VPS13B: variants seen among roughly 807,000 people sequenced by gnomAD.
VPS13B encodes intermembrane lipid transfer protein VPS13B.
A neutral mutation model predicts 426.4 loss-of-function variants in VPS13B; 285 were observed. The observed-to-expected ratio is 0.67, with a 90% CI of 0.61 to 0.74. The LOEUF (loss-of-function observed/expected upper bound fraction) is 0.74, where lower values mean the gene tolerates loss of function less well. VPS13B is among the 30% of genes least tolerant of loss of function. VPS13B has a pLI of 0.00. For synonymous variants in VPS13B, 1,676 were observed against 1,676.4 expected (o/e 1.00, Z 0.01); for missense variants, 4,537 against 4,782.6 (o/e 0.95, Z 1.51).
chr8:99,534,612 A>G lies in VPS13B; in HGVS notation c.4745+13602A>G, dbSNP rs184965824. ...ACATTATCATGTGAAATTATTATCTAAACATCTCTGAGTTTAAAGACAAGT... is the reference window on the plus strand; with the variant it reads ...ACATTATCATGTGAAATTATTATCTGAACATCTCTGAGTTTAAAGACAAGT... On this transcript the variant is annotated intron_variant, in intron 30 of 61. Coordinates refer to ENST00000357162, the MANE Select transcript of VPS13B (RefSeq NM_152564.5). 1.2e-4 allele frequency among the ~76,000 whole-genome samples: 18 copies of G among 152,260 alleles called. No individual in the cohort carries two copies. The East Asian group carries it at 3.3e-3, about 28-fold the overall frequency.
Position 99,143,072 on chromosome 8 carries a change from T to A in VPS13B, c.1750T>A (p.Phe584Ile), listed in dbSNP as rs1810518037. 1 of 1,613,916 alleles carries A rather than the reference T, an allele frequency of 6.2e-7. No individual in the cohort carries two copies. The highest frequency in any genetic ancestry group is 1.7e-5 in the Admixed American group (1 of 59,998). ...AAGCCTTGTTATAGGTCCTCTTGAT[T>A]TTCGTTTGGATAGCAGTGCGGTGCA... ...TKSLVIGPLD[F>I]RLDSSAVHRI... is the part of the protein sequence containing the mutation. Residue 584 changes from phenylalanine (F) to isoleucine (I), a missense_variant, in exon 13 of 62, where the codon TTT becomes ATT. Physicochemically the swap from Phe to Ile is conservative, Grantham distance 21 (BLOSUM62 0). Around this residue, in one of 2 missense-constraint regions of VPS13B, gnomAD observed 4,311 missense variants for 4,474.3 expected, o/e 0.96. Transcript: ENST00000357162.
At chr8:99,381,327 C>G (rs1190299535) in intron 19 of VPS13B, among the ~76,000 whole-genome samples, 1 of 152,064 alleles carries the variant, frequency 6.6e-6, no homozygotes, top group Non-Finnish European at 1.5e-5. Flanking sequence ...TAGGTTGATT[C>G]CATGTCTTTG....
intron 31 of VPS13B, among the ~76,000 whole-genome samples, chr8:99,573,020 T>C (rs1588507341): frequency 6.6e-6 from 1 of 152,248 alleles, no homozygotes; most frequent in Non-Finnish European, 1.5e-5. Context: ...TGGTATCTCA[T>C]TGTGGTTTTG....
intron 23 of VPS13B, among the ~76,000 whole-genome samples, chr8:99,452,778 T>C (rs906885938): frequency 3.3e-5 from 5 of 152,220 alleles, no homozygotes; most frequent in African/African-American, 1.2e-4. Flanking sequence ...AGGAACTGTT[T>C]GCTGAAATGT....
chr8:99,461,928 G>A (rs897922955), intron 23 of VPS13B, among the ~76,000 whole-genome samples: 2 of 152,042 alleles, frequency 1.3e-5, no homozygotes, highest in African/African-American at 2.4e-5. Flanking sequence ...CAATGAGTAC[G>A]TATTGCTCAG....
intron 39 of VPS13B, among the ~76,000 whole-genome samples, chr8:99,766,052 T>C (rs1811203224): frequency 7.0e-6 from 1 of 143,162 alleles, no homozygotes; most frequent in African/African-American, 2.6e-5. Context: ...TTATTTGGTG[T>C]GGCACCTTCA....
chr8:99,875,395 T>G (rs765971059), intron 61 of VPS13B, 23 bp from the exon 62 acceptor site: 2 of 1,614,008 alleles, frequency 1.2e-6, no homozygotes, highest in African/African-American at 2.7e-5. Context: ...TGGCAACTAA[T>G]CTTTATTATT....
At chr8:99,134,573 G>T in intron 8 of VPS13B, 59 bp from the exon 9 acceptor site, 1 of 1,322,834 alleles carries the variant, frequency 7.6e-7, no homozygotes, top group South Asian at 1.3e-5. Context: ...TCATCATAAT[G>T]ACAATTTATT....
chr8:99,230,761 T>C lies in VPS13B; in HGVS notation c.2515+37704T>C, dbSNP rs56345420. ...ACCATGACTGTTCTATAAATGGAAATTGTTACAGTTTTACTGTTACTTTTA... is the reference window on the plus strand; with the variant it reads ...ACCATGACTGTTCTATAAATGGAAACTGTTACAGTTTTACTGTTACTTTTA... On this transcript the variant is annotated intron_variant, in intron 17 of 61. Transcript: ENST00000357162. Among the ~76,000 whole-genome samples the C allele has an allele frequency of 3.5e-3, 532 of 152,392 alleles. 3 individuals carry two copies. Among genetic ancestry groups the C allele is most frequent in the African/African-American group, 0.012 (493 of 41,592 alleles).
chr8:99,164,810 C>G (rs1248891916), intron 15 of VPS13B, among the ~76,000 whole-genome samples: 1 of 152,102 alleles, frequency 6.6e-6, no homozygotes, highest in Non-Finnish European at 1.5e-5. Flanking sequence ...TTCTGACTCC[C>G]TCTTTGATTT....
chr8:99,835,297 A>G lies in VPS13B; in HGVS notation c.9715A>G (p.Lys3239Glu). The change falls in exon 53 of 62, where the codon AAA becomes GAA. Residue 3239 changes from lysine to glutamate, a missense_variant. This residue lies in a region of VPS13B where 4,311 missense variants were observed against 4,474.3 expected (regional missense o/e 0.96). Transcript: ENST00000357162. ...AATTATCCACAATAGATGTCCAGTAAAAATGCTTATAAAGGAAAACATTAA... is the reference window on the plus strand; with the variant it reads ...AATTATCCACAATAGATGTCCAGTAGAAATGCTTATAAAGGAAAACATTAA... ...RVIIHNRCPV[K>E]MLIKENIKDI... The G allele has an allele frequency of 6.2e-7, 1 of 1,612,750 alleles. No homozygotes were observed. Among genetic ancestry groups the G allele is most frequent in the Non-Finnish European group, 8.5e-7 (1 of 1,178,816 alleles).
At chr8:99,520,010 T>A (rs1291126517) in intron 29 of VPS13B, among the ~76,000 whole-genome samples, 1 of 152,172 alleles carries the variant, frequency 6.6e-6, no homozygotes, top group Non-Finnish European at 1.5e-5. Flanking sequence ...CAAATAGTCC[T>A]TAGAAAAGAC....
At chr8:99,703,800 C>T (rs557983354) in intron 36 of VPS13B, among the ~76,000 whole-genome samples, 1 of 152,062 alleles carries the variant, frequency 6.6e-6, no homozygotes, top group African/African-American at 2.4e-5. Context: ...CTCCCCTTGT[C>T]TGAGTAAATT....
rs775675857 is a variant in VPS13B at position 99,853,753 on chromosome 8, A to G, written c.10364A>G (p.Gln3455Arg). 2.5e-6 allele frequency: 4 copies of G among 1,614,244 alleles called. No homozygotes were observed. Among genetic ancestry groups the G allele is most frequent in the South Asian group, 2.2e-5 (2 of 91,082 alleles). The part of the protein sequence containing the change: ...VCQGEKAEPI[Q>R]CSKMQSLLIS... ...CAGGGAGAAAAAGCAGAACCCATTC[A>G]GTGTTCCAAAATGCAGAGTCTCCTC... The change falls in exon 56 of 62, where the codon CAG (glutamine) becomes CGG (arginine). Residue 3455 changes from glutamine (Q) to arginine (R), a missense_variant. By Grantham distance (43) the Gln-to-Arg change is conservative. Coordinates refer to ENST00000357162, the MANE Select transcript of VPS13B (RefSeq NM_152564.5).
chr8:99,697,494 A>G lies in VPS13B; in HGVS notation c.6047-2031A>G. The G allele has an allele frequency of 6.8e-6, 5 of 740,340 alleles. 1 individual carries two copies. Among genetic ancestry groups the G allele is most frequent in the South Asian group, 4.4e-5 (3 of 68,418 alleles). The allele number at this position is 740,340 out of a possible 1,614,324, so 45.9% of individuals were successfully genotyped here. ...GATGCCTGCTCTAAGCTGAAGGAGCAGAAGTCGCTCACCAAAGAGAAGGAG... is the reference window on the plus strand; with the variant it reads ...GATGCCTGCTCTAAGCTGAAGGAGCGGAAGTCGCTCACCAAAGAGAAGGAG... On this transcript the variant is annotated intron_variant, in intron 35 of 61. Coordinates refer to ENST00000357162, the MANE Select transcript of VPS13B (RefSeq NM_152564.5).
In VPS13B at chr8:99,814,867, G is replaced by A. The variant is rs189882829; in HGVS notation, c.8098-2673G>A. Among the ~76,000 whole-genome samples, 307 of 152,148 alleles carry A rather than the reference G, an allele frequency of 2.0e-3. 2 individuals carry two copies. The highest frequency in any genetic ancestry group is 7.1e-3 in the African/African-American group (293 of 41,520). On this transcript the variant is annotated intron_variant, in intron 44 of 61. Coordinates refer to ENST00000357162, the MANE Select transcript of VPS13B (RefSeq NM_152564.5). ...GAGCAGCCCTTACTTTCTTTTTTAT[G>A]GTTTCTAACTTTTCTTAATGAGTAG...
intron 19 of VPS13B, among the ~76,000 whole-genome samples, chr8:99,345,110 A>G (rs759752431): frequency 6.6e-5 from 10 of 152,116 alleles, no homozygotes; most frequent in African/African-American, 1.7e-4. Flanking sequence ...TGAATAATTT[A>G]TCTTTTCTCC....
At chr8:99,527,455 A>G (rs1822707918) in intron 30 of VPS13B, among the ~76,000 whole-genome samples, 2 of 152,120 alleles carry the variant, frequency 1.3e-5, no homozygotes, top group African/African-American at 4.8e-5. Context: ...CTTGCCTGAT[A>G]ATCTACCTGG....
chr8:99,457,984 T>C (rs1205789190), intron 23 of VPS13B, among the ~76,000 whole-genome samples: 1 of 152,170 alleles, frequency 6.6e-6, no homozygotes, highest in Non-Finnish European at 1.5e-5. Flanking sequence ...GTTACATATG[T>C]ATACATGTGC....
Sources: allele counts gnomAD v4.1 joint callset (sites outside exome capture counted in the v4.1 genomes callset), GRCh38; gene constraint gnomAD v4.1.1; regional missense constraint gnomAD v4.1.1; transcripts MANE v1.5; gene names NCBI Gene and HGNC (gene_info 2026-07-23, HGNC 2026-07-21).